TCF7L1: variants seen among roughly 807,000 people sequenced by gnomAD.
TCF7L1 encodes transcription factor 7 like 1.
Under a neutral mutation model 63.7 loss-of-function variants are expected in TCF7L1, and 18 were observed. That is an observed-to-expected ratio of 0.28 (90% confidence interval 0.20 to 0.42). The LOEUF (loss-of-function observed/expected upper bound fraction) is 0.42. Among genes scored for constraint, TCF7L1 ranks in the 10% least tolerant of loss-of-function variants. The pLI, the probability that TCF7L1 is intolerant of heterozygous loss-of-function variation, is 1.00. For missense variants in TCF7L1, 654 were observed against 779.3 expected (o/e 0.84, Z 1.91); for synonymous variants, 355 against 340.9 (o/e 1.04, Z -0.46).
intron 3 of TCF7L1, among the ~76,000 whole-genome samples, chr2:85,226,807 TC>T (rs1314632372): frequency 7.0e-6 from 1 of 142,326 alleles, no homozygotes. Flanking sequence ...TCTGTTTATC[TC>T]CCCCCGCCTT....
intron 3 of TCF7L1, among the ~76,000 whole-genome samples, chr2:85,185,960 A>ATTTTTTTTTT (rs67142055): frequency 2.1e-5 from 2 of 94,642 alleles, no homozygotes; most frequent in African/African-American, 9.0e-5. Flanking sequence ...AACACAGGGG[A>ATTTTTTTTTT]TTTTTTTTTT....
intron 3 of TCF7L1, among the ~76,000 whole-genome samples, chr2:85,238,055 C>T (rs1680233687): frequency 6.6e-6 from 1 of 152,136 alleles, no homozygotes; most frequent in Non-Finnish European, 1.5e-5. Flanking sequence ...GCTCTCCCTG[C>T]CTGGCTCAGT....
rs116361591 is a variant in TCF7L1, at chr2:85,201,604, G to T, written c.441+67154G>T. On this transcript the variant is annotated intron_variant, in intron 3 of 11. Transcript: ENST00000282111. ...AAGTTCAAACCTGTTTTGTTCAAGG[G>T]TCAACTGTATATCTAGGAGTGGAAT... 5.9e-3 allele frequency among the ~76,000 whole-genome samples: 897 copies of T among 152,222 alleles called. 12 individuals carry two copies. Among genetic ancestry groups the T allele is most frequent in the African/African-American group, 0.02 (841 of 41,540 alleles).
rs375172138 is a variant in TCF7L1, at chr2:85,304,012, G to C, written c.761+15G>C. On this transcript the variant is annotated intron_variant, in intron 6 of 11. Transcript: ENST00000282111. The stretch of plus-strand genomic sequence containing the variant: ...CTCGTCCCACAGTAAGGAACCCACA[G>C]CCTCTCTTCCCCCTGCTCCCTCCTT... 6.5e-7 allele frequency: 1 copy of C among 1,530,302 alleles called. No individual in the cohort carries two copies. The highest frequency in any genetic ancestry group is 8.8e-7 in the Non-Finnish European group (1 of 1,131,452). 94.8% of individuals were successfully genotyped at this position (1,530,302 alleles called of 1,614,324 possible).
intron 3 of TCF7L1, among the ~76,000 whole-genome samples, chr2:85,191,135 G>C (rs1322747902): frequency 1.3e-5 from 2 of 151,788 alleles, no homozygotes; most frequent in Non-Finnish European, 2.9e-5. Context: ...AGAAACACTT[G>C]CCAAGCTGCC....
intron 3 of TCF7L1, among the ~76,000 whole-genome samples, chr2:85,154,608 C>A (rs1678100623): frequency 6.6e-6 from 1 of 152,206 alleles, no homozygotes; most frequent in Non-Finnish European, 1.5e-5. Flanking sequence ...GATGTGGTTT[C>A]CCTGCTGTAA....
intron 3 of TCF7L1, among the ~76,000 whole-genome samples, chr2:85,208,850 T>C (rs1404603718): frequency 6.6e-6 from 1 of 152,256 alleles, no homozygotes; most frequent in African/African-American, 2.4e-5. Flanking sequence ...TTACTTCTCC[T>C]GTTGAGAGAC....
chr2:85,136,718 G>C (rs1248583648), intron 3 of TCF7L1, among the ~76,000 whole-genome samples: 2 of 152,172 alleles, frequency 1.3e-5, no homozygotes, highest in African/African-American at 4.8e-5. Context: ...CGGATATACT[G>C]GGGAAGTGTC....
At chr2:85,161,966 AAG>A (rs1678296342) in intron 3 of TCF7L1, among the ~76,000 whole-genome samples, 1 of 152,162 alleles carries the variant, frequency 6.6e-6, no homozygotes, top group Admixed American at 6.5e-5. Flanking sequence ...CCAGCAAGGC[AAG>A]CCAGGTGTTG....
At chr2:85,141,797 C>T (rs1028298709) in intron 3 of TCF7L1, among the ~76,000 whole-genome samples, 2 of 152,072 alleles carry the variant, frequency 1.3e-5, no homozygotes, top group South Asian at 4.1e-4. Flanking sequence ...AAAGACGAGC[C>T]CAAGACTTGA....
At chr2:85,230,756 T>C (rs949087430) in intron 3 of TCF7L1, among the ~76,000 whole-genome samples, 10 of 152,234 alleles carry the variant, frequency 6.6e-5, no homozygotes, top group Non-Finnish European at 1.5e-4. Context: ...CACTCTGCTT[T>C]CTGTGGGGCA....
At chr2:85,283,761 C>T (rs1681478652) in intron 4 of TCF7L1, among the ~76,000 whole-genome samples, 183 bp downstream of exon 4, 1 of 152,216 alleles carries the variant, frequency 6.6e-6, no homozygotes, top group Admixed American at 6.5e-5. Context: ...AACACACACA[C>T]CACACCGCCT....
At position 85,309,316 on chromosome 2, in the gene TCF7L1, C is replaced by G. The variant is rs755579774; in HGVS notation, c.1621C>G (p.Leu541Val). Residue 541 changes from leucine to valine, a missense_variant, in exon 12 of 12, where the codon CTC becomes GTC. By Grantham distance (32) the Leu-to-Val change is conservative. Around this residue, in one of 3 missense-constraint regions of TCF7L1, gnomAD observed 184 missense variants for 204.0 expected, o/e 0.90. Coordinates refer to ENST00000282111, the MANE Select transcript of TCF7L1 (RefSeq NM_031283.3). ...TGGGCAGATGGGCAGCCAGCCTCCC[C>G]TCCTGTCCCGGCCCCTCCCCCTTGG... ...SSGQMGSQPP[L>V]LSRPLPLGSM... 1.2e-5 allele frequency: 19 copies of G among 1,613,300 alleles called. No homozygotes were observed. Among genetic ancestry groups the G allele is most frequent in the Middle Eastern group, 1.6e-4 (1 of 6,082 alleles).
At chr2:85,177,300 T>C (rs1297354620) in intron 3 of TCF7L1, among the ~76,000 whole-genome samples, 1 of 152,168 alleles carries the variant, frequency 6.6e-6, no homozygotes, top group African/African-American at 2.4e-5. Context: ...ACATTGGGGA[T>C]TGGATTTCAA....
intron 3 of TCF7L1, among the ~76,000 whole-genome samples, chr2:85,226,807 TCCC>T (rs1314632372): frequency 7.0e-6 from 1 of 142,326 alleles, no homozygotes; most frequent in Non-Finnish European, 1.5e-5. Context: ...TCTGTTTATC[TCCC>T]CCCGCCTTTT....
intron 4 of TCF7L1, among the ~76,000 whole-genome samples, chr2:85,296,450 G>A (rs1224274963): frequency 6.6e-6 from 1 of 152,198 alleles, no homozygotes; most frequent in Non-Finnish European, 1.5e-5. Context: ...CCTACAGTCT[G>A]CCTTTGTCCC....
chr2:85,183,462 G>A (rs1359819984), intron 3 of TCF7L1, among the ~76,000 whole-genome samples: 4 of 152,128 alleles, frequency 2.6e-5, no homozygotes, highest in Admixed American at 2.6e-4. Flanking sequence ...GATGGACTTT[G>A]CTTCTGACAT....
At chr2:85,226,054 G>A (rs1274789266) in intron 3 of TCF7L1, among the ~76,000 whole-genome samples, 4 of 152,148 alleles carry the variant, frequency 2.6e-5, no homozygotes, top group Admixed American at 2.0e-4. Context: ...TTTGTCGTTG[G>A]TTCTGTTTAT....
intron 3 of TCF7L1, among the ~76,000 whole-genome samples, chr2:85,149,326 C>CAT (rs5832640): frequency 0.56 from 83,392 of 149,986 alleles, 23,375 homozygotes; most frequent in East Asian, 0.85. Context: ...CACATATACA[C>CAT]ATATGTGTGT....
Sources: gnomAD v4.1 joint callset for allele counts (sites outside exome capture counted in the v4.1 genomes callset) on GRCh38, gnomAD v4.1.1 for gene constraint, gnomAD v4.1.1 regional missense constraint, MANE v1.5 for transcripts, NCBI Gene and HGNC (gene_info 2026-07-23, HGNC 2026-07-21) for gene names.